The following SYBU variants were observed in gnomAD, a reference collection of about 807,000 sequenced individuals.
The protein encoded by SYBU is GOLSYN A protein.
In SYBU, 21 loss-of-function variants were observed where a neutral mutation model predicts 35.9. The ratio of observed to expected loss-of-function variants is 0.58; its 90% CI spans 0.41 to 0.84. The LOEUF (loss-of-function observed/expected upper bound fraction) is 0.84. SYBU is among the 40% of genes least tolerant of loss of function. The probability of loss-of-function intolerance (pLI) is 0.00; values close to 1 mark genes in which losing one functional copy is unlikely to be tolerated. For missense variants in SYBU, 768 were observed against 848.2 expected, an observed-to-expected ratio of 0.91 and a Z score of 1.17; for synonymous variants, 319 against 324.3, an observed-to-expected ratio of 0.98 and a Z score of 0.18.
chr8:109,680,905 C>G (rs1817379100), exon 1 of SYBU: 1 of 152,220 alleles, frequency 6.6e-6, no homozygotes, highest in African/African-American at 2.4e-5. Flanking sequence ...TCCCTTTGTT[C>G]TAAGTAGAAT....
chr8:109,683,335 C>T (rs1817447031), upstream of SYBU, among the ~76,000 whole-genome samples: 1 of 152,164 alleles, frequency 6.6e-6, no homozygotes, highest in Admixed American at 6.5e-5. Context: ...ATCAACATCA[C>T]CTGGATGTGA....
chr8:109,623,665 T>G (rs1003506878), intron 2 of SYBU, among the ~76,000 whole-genome samples: 2 of 152,190 alleles, frequency 1.3e-5, no homozygotes, highest in Non-Finnish European at 2.9e-5. Flanking sequence ...AAATATAGGA[T>G]ATAGTTAATA....
In SYBU at chr8:109,691,488, C is replaced by T. The variant is rs1817645225; in HGVS notation, c.-213G>A. ...GGCCCGGGGAGCCGGGCCCGGCCCG[C>T]TCCGCCCGCCTTAGCCCGGCTTGGA... is the stretch of plus-strand genomic sequence containing the variant. On this transcript the variant is annotated 5_prime_UTR_variant, in exon 1 of 8. Transcript: ENST00000422135. This position sits in a 1 kb window ranked among gnomAD's most constrained non-coding sequence, Gnocchi z 4.7. The T allele has an allele frequency of 1.9e-6, 1 of 528,396 alleles. No homozygotes were observed. The highest frequency in any genetic ancestry group is 3.3e-6 in the Non-Finnish European group (1 of 306,988). 32.7% of individuals were successfully genotyped at this position (528,396 alleles called of 1,614,324 possible). A position where few individuals can be genotyped will look rare whatever the true frequency, so the allele number is the denominator to read the frequency against.
chr8:109,627,855 G>A (rs1356314483), intron 2 of SYBU, among the ~76,000 whole-genome samples: 2 of 152,148 alleles, frequency 1.3e-5, no homozygotes, highest in East Asian at 1.9e-4. Flanking sequence ...CATATAAAAC[G>A]TGTGCCATTC....
chr8:109,583,857 G>A (rs760567209), intron 4 of SYBU, among the ~76,000 whole-genome samples: 17 of 152,140 alleles, frequency 1.1e-4, no homozygotes, highest in Non-Finnish European at 2.1e-4. Flanking sequence ...GCCCAGGACT[G>A]GAGTGCAGTG....
At chr8:109,616,000 T>TC (rs1364020541) in intron 3 of SYBU, among the ~76,000 whole-genome samples, 1,437 of 125,286 alleles carry the variant, frequency 0.011, 133 homozygotes, top group African/African-American at 0.04. Flanking sequence ...TTCTTTTCTT[T>TC]TCTTTCTTTT....
At chr8:109,590,265 G>A (rs1205775833) in intron 3 of SYBU, among the ~76,000 whole-genome samples, 1 of 152,164 alleles carries the variant, frequency 6.6e-6, no homozygotes, top group East Asian at 1.9e-4. Flanking sequence ...GCCCAGCCAA[G>A]GTATCCAAGA....
At chr8:109,643,546 G>A (rs11994796) in intron 1 of SYBU, 32,491 of 153,096 alleles carry the variant, frequency 0.21, 3,609 homozygotes, top group East Asian at 0.42. Context: ...TCCGATACTC[G>A]GGAAGATGGC....
chr8:109,661,353 G>A (rs1816554502), intron 1 of SYBU, among the ~76,000 whole-genome samples: 1 of 152,176 alleles, frequency 6.6e-6, no homozygotes, highest in South Asian at 2.1e-4. Context: ...AAATTATGAT[G>A]TTTAATATGT....
rs562872612 is a variant in SYBU, at chr8:109,638,384, T to C, written c.229+4344A>G. Among the ~76,000 whole-genome samples the C allele has an allele frequency of 2.2e-4, 34 of 152,042 alleles. 1 individual carries two copies. The East Asian group carries it at 4.6e-3, about 21-fold the overall frequency. ...TACTTACAGAAAAGGGGGAGAAAAA[T>C]GGATAGAGGCTACATTCAATGGGCC... On this transcript the variant is annotated intron_variant, in intron 2 of 6. Transcript: ENST00000276646.
chr8:109,645,324 C>A (rs532276842), upstream of SYBU: 1 of 456,740 alleles, frequency 2.2e-6, no homozygotes, highest in Non-Finnish European at 4.4e-6. Context: ...AGGACCGACA[C>A]AGCCTCTGGG....
At chr8:109,644,519 C>T (rs1586932842) in intron 1 of SYBU, 117 bp downstream of exon 1, 1 of 1,193,672 alleles carries the variant, frequency 8.4e-7, no homozygotes, top group Non-Finnish European at 1.1e-6. Context: ...CCACCACCTC[C>T]TTCCACCTTT....
chr8:109,586,879 G>A (rs1302513046), intron 3 of SYBU, among the ~76,000 whole-genome samples: 2 of 152,184 alleles, frequency 1.3e-5, no homozygotes, highest in Non-Finnish European at 1.5e-5. Flanking sequence ...TTTGAGTACA[G>A]ACAACAGGTG....
chr8:109,628,726 G>A (rs1813253251), intron 2 of SYBU, among the ~76,000 whole-genome samples: 1 of 152,058 alleles, frequency 6.6e-6, no homozygotes, highest in Non-Finnish European at 1.5e-5. Context: ...GGAGCCTGAA[G>A]TGGGAGGATT....
chr8:109,648,242 TAATAATATATATATAC>T (rs1200170087), upstream of SYBU, among the ~76,000 whole-genome samples: 1 of 135,318 alleles, frequency 7.4e-6, no homozygotes, highest in Non-Finnish European at 1.5e-5. Context: ...AAATAATATA[TAATAATATATATATAC>T]AATAATATAT....
At chr8:109,608,428 A>C (rs1010101583) in intron 3 of SYBU, among the ~76,000 whole-genome samples, 1 of 152,204 alleles carries the variant, frequency 6.6e-6, no homozygotes, top group Admixed American at 6.5e-5. Context: ...AAGCACTTTG[A>C]GAAAAATTCT....
intron 2 of SYBU, among the ~76,000 whole-genome samples, chr8:109,637,064 C>T (rs544596333): frequency 1.3e-5 from 2 of 152,304 alleles, no homozygotes; most frequent in African/African-American, 2.4e-5. Context: ...ACCAAATCCC[C>T]AAATACACAC....
chr8:109,685,802 A>G (rs574903891), upstream of SYBU, among the ~76,000 whole-genome samples: 52 of 152,344 alleles, frequency 3.4e-4, 1 homozygote, highest in Middle Eastern at 0.017. Context: ...AAAAATGTCC[A>G]AAGTATCTAT....
intron 2 of SYBU, among the ~76,000 whole-genome samples, chr8:109,631,551 C>G (rs781477106): frequency 6.6e-6 from 1 of 152,192 alleles, no homozygotes; most frequent in African/African-American, 2.4e-5. Context: ...CTCTGGAACA[C>G]GGGCCGAGTA....
Sources: gnomAD v4.1 joint callset for allele counts (sites outside exome capture counted in the v4.1 genomes callset) on GRCh38, gnomAD v4.1.1 for gene constraint, Gnocchi (gnomAD v3.1) non-coding constraint, MANE v1.5 for transcripts, NCBI Gene and HGNC (gene_info 2026-07-23, HGNC 2026-07-21) for gene names.